The following MIB2 variants were observed in gnomAD, a reference collection of about 807,000 sequenced individuals.
MIB2 encodes E3 ubiquitin-protein ligase MIB2.
In MIB2, 78 loss-of-function variants were observed where a neutral mutation model predicts 96.6. The observed-to-expected ratio is 0.81, with a 90% confidence interval of 0.67 to 0.97. MIB2 has a LOEUF of 0.97. Among genes scored for constraint, MIB2 ranks in the 50% least tolerant of loss-of-function variants. The pLI is 0.00. For synonymous variants in MIB2, 820 were observed against 629.5 expected (o/e 1.30, Z -4.53); for missense variants, 1,543 against 1,424.0 (o/e 1.08, Z -1.35).
At position 1,623,194 on chromosome 1, in the gene MIB2, C is replaced by T. The variant is rs1402219375; in HGVS notation, c.-22-237C>T. 1.9e-5 allele frequency: 12 copies of T among 619,886 alleles called. No individual in the cohort carries two copies. The Middle Eastern group carries it at 2.2e-3, about 114-fold the overall frequency. 38.4% of individuals were successfully genotyped at this position (619,886 alleles called of 1,614,324 possible). A position where few individuals can be genotyped will look rare whatever the true frequency, so the allele number is the denominator to read the frequency against. ...GGCTCCCTGATCCCTGGGCCCAGAC[C>T]ACCCTGCAGTTCCCGCGCCAGGCTG... On this transcript the variant is annotated intron_variant, in intron 2 of 19. Transcript: ENST00000355826.
At position 1,623,788 on chromosome 1, in the gene MIB2, A is replaced by G. The variant is rs1472383577; in HGVS notation, c.262A>G (p.Asn88Asp). The G allele has an allele frequency of 1.2e-6, 2 of 1,601,956 alleles. No homozygotes were observed. The highest frequency in any genetic ancestry group is 1.1e-5 in the South Asian group (1 of 89,594). Reference protein sequence around the residue: ...DNAQIGVRHPNIICDCCKKHG... With the variant: ...DNAQIGVRHPDIICDCCKKHG... ...CCCACCCCCAGGCGTCCGGCACCCC[A>G]ACATCATCTGTGACTGCTGCAAGAA... The change falls in exon 4 of 20, where the codon AAC becomes GAC. Residue 88 changes from asparagine to aspartate, a missense_variant. Physicochemically the swap from Asn to Asp is conservative, Grantham distance 23. Transcript: ENST00000355826.
chr1:1,622,901 T>C (rs998602613), intron 2 of MIB2, among the ~76,000 whole-genome samples: 2 of 152,120 alleles, frequency 1.3e-5, no homozygotes, highest in African/African-American at 4.8e-5. Context: ...GCCTGCATCG[T>C]GTTTGCCGTT....
intron 2 of MIB2, chr1:1,623,230 C>A: frequency 1.1e-6 from 1 of 895,422 alleles, no homozygotes. Flanking sequence ...GCACGGCGCC[C>A]GCCTTTCCCA....
chr1:1,615,886 C>A, intron 1 of MIB2: 1 of 1,064,974 alleles, frequency 9.4e-7, no homozygotes. Context: ...GGCCCGGGGC[C>A]AGCGGCGCTG....
At chr1:1,614,160 G>C (rs1643405266), upstream of MIB2, 3 of 152,182 alleles carry the variant, frequency 2.0e-5, no homozygotes, top group African/African-American at 7.2e-5. Context: ...ATTTCATCAC[G>C]ACAGCTGTGA....
rs1037168472 is a variant in MIB2, at chr1:1,626,579, C to A, written c.973-71C>A. On this transcript the variant is annotated intron_variant, in intron 8 of 19. Transcript: ENST00000355826. The surrounding 1 kb of genome is among the most constrained non-coding windows in gnomAD (Gnocchi z 5.3). Reference sequence around the variant, plus strand: ...CTGTCTCGTGGAGCTCAGCAGGTTGCCCTCCTGTTGCATGAGCCTGGGCAG... The same window carrying A: ...CTGTCTCGTGGAGCTCAGCAGGTTGACCTCCTGTTGCATGAGCCTGGGCAG... The A allele has an allele frequency of 1.1e-4, 150 of 1,321,514 alleles. 1 individual carries two copies. Among genetic ancestry groups the A allele is most frequent in the Non-Finnish European group, 1.5e-4 (144 of 981,838 alleles). 81.9% of individuals were successfully genotyped at this position (1,321,514 alleles called of 1,614,324 possible). A position where few individuals can be genotyped will look rare whatever the true frequency, so the allele number is the denominator to read the frequency against.
intron 2 of MIB2, 189 bp downstream of exon 2, chr1:1,616,803 C>G: frequency 1.8e-6 from 1 of 542,084 alleles, no homozygotes; most frequent in Middle Eastern, 3.3e-4. Context: ...AGGTGCCAGA[C>G]AGGCCTCTGA....
In MIB2 at chr1:1,625,222, G is replaced by A. The variant is rs770645677; in HGVS notation, c.721+37G>A. The A allele has an allele frequency of 3.7e-6, 6 of 1,602,774 alleles. No individual in the cohort carries two copies. Among genetic ancestry groups the A allele is most frequent in the Admixed American group, 1.7e-5 (1 of 59,752 alleles). ...TCACACTGACTCCATCAGCCCTCCT[G>A]CCTTGGCTGAAGTCCCAGAGGGGAG... On this transcript the variant is annotated intron_variant, in intron 6 of 19. Transcript: ENST00000355826. The surrounding 1 kb of genome is among the most constrained non-coding windows in gnomAD (Gnocchi z 5.0).
Position 1,630,474 on chromosome 1 carries a change from A to T in MIB2, c.2812A>T (p.Ser938Cys). 1 of 1,594,310 alleles carries T rather than the reference A, an allele frequency of 6.3e-7. No individual in the cohort carries two copies. Among genetic ancestry groups the T allele is most frequent in the South Asian group, 1.1e-5 (1 of 89,484 alleles). Residue 938 changes from serine (S) to cysteine (C), a missense_variant, in exon 20 of 20, where the codon AGC (serine) becomes TGC (cysteine). Physicochemically the swap from Ser to Cys is moderately radical, Grantham distance 112 (BLOSUM62 -1). Coordinates refer to ENST00000355826, the MANE Select transcript of MIB2 (RefSeq NM_001170687.4). ...GACAPCGSAL[S>C]ACPICRQPIR... is the part of the protein sequence containing the mutation. ...ATGCGCCCCCTGCGGCTCCGCGCTCAGCGCCTGCCCCATCTGCCGCCAGCC... is the reference window on the plus strand; with the variant it reads ...ATGCGCCCCCTGCGGCTCCGCGCTCTGCGCCTGCCCCATCTGCCGCCAGCC...
In MIB2 at chr1:1,625,735, C is replaced by A. The variant is rs1644698063; in HGVS notation, c.972+82C>A. The A allele has an allele frequency of 8.3e-7, 1 of 1,203,446 alleles. No homozygotes were observed. Among genetic ancestry groups the A allele is most frequent in the African/African-American group, 1.5e-5 (1 of 66,572 alleles). 74.5% of individuals were successfully genotyped at this position (1,203,446 alleles called of 1,614,324 possible). ...ACCCCCTTGGCCTTGGGGGGTCAGG[C>A]AGGACTAGGGTGCCAGCTGCACCCA... On this transcript the variant is annotated intron_variant, in intron 8 of 19. Transcript: ENST00000355826. This position sits in a 1 kb window ranked among gnomAD's most constrained non-coding sequence, Gnocchi z 5.0.
rs1249604086 is a variant in MIB2 at position 1,623,688 on chromosome 1, A to G, written c.236A>G (p.Asn79Ser). ...QGAHDLLLYD[N>S]AQIGVRHPNI... ...GCGCACGACCTGCTGCTGTACGACA[A>G]CGCCCAGATCGGTGCGCGCCAAGGG... is the stretch of plus-strand genomic sequence containing the variant. The change falls in exon 3 of 20, where the codon AAC becomes AGC. Residue 79 changes from asparagine (N) to serine (S), a missense_variant. Transcript: ENST00000355826. 5 of 1,503,296 alleles carry G rather than the reference A, an allele frequency of 3.3e-6. No individual in the cohort carries two copies. Among genetic ancestry groups the G allele is most frequent in the Non-Finnish European group, 4.5e-6 (5 of 1,123,028 alleles). 93.1% of individuals were successfully genotyped at this position (1,503,296 alleles called of 1,614,324 possible). A position where few individuals can be genotyped will look rare whatever the true frequency, so the allele number is the denominator to read the frequency against.
chr1:1,625,666 C>T lies in MIB2; in HGVS notation c.972+13C>T. On this transcript the variant is annotated intron_variant, in intron 8 of 19. Coordinates refer to ENST00000355826, the MANE Select transcript of MIB2 (RefSeq NM_001170687.4). The surrounding 1 kb of genome is among the most constrained non-coding windows in gnomAD (Gnocchi z 5.0). ...GGCGCTCACCAAGGTGCCGGGGGGG[C>T]TGGGCTGCGCCTCATCTGCTTGCTT... The T allele has an allele frequency of 1.3e-6, 2 of 1,546,578 alleles. No individual in the cohort carries two copies. The highest frequency in any genetic ancestry group is 1.7e-6 in the Non-Finnish European group (2 of 1,143,380).
At chr1:1,618,566 T>C (rs1397760189) in intron 2 of MIB2, 1 of 152,356 alleles carries the variant, frequency 6.6e-6, no homozygotes, top group Non-Finnish European at 1.5e-5. Flanking sequence ...GCCCAGGGGA[T>C]GGGTCCTGTG....
Position 1,624,859 on chromosome 1 carries a change from A to C in MIB2, c.484A>C (p.Lys162Gln). Residue 162 changes from lysine (K) to glutamine (Q), a missense_variant, in exon 5 of 20, where the codon AAG becomes CAG. Transcript: ENST00000355826. Reference protein sequence around the residue: ...IPLRGIFQGAKVVRGPDWEWG... With the variant: ...IPLRGIFQGAQVVRGPDWEWG... Reference sequence around the variant, plus strand: ...ACTAAGGGGCATCTTCCAGGGAGCGAAGGTGGTGCGAGGCCCCGACTGGGA... The same window carrying C: ...ACTAAGGGGCATCTTCCAGGGAGCGCAGGTGGTGCGAGGCCCCGACTGGGA... The C allele has an allele frequency of 6.2e-7, 1 of 1,613,068 alleles. No homozygotes were observed. Among genetic ancestry groups the C allele is most frequent in the Non-Finnish European group, 8.5e-7 (1 of 1,179,972 alleles).
chr1:1,623,066 T>G, intron 2 of MIB2: 1 of 374,668 alleles, frequency 2.7e-6, no homozygotes. Flanking sequence ...AGCTCTTACT[T>G]TAGTGAAGTC....
chr1:1,621,032 G>A (rs981397790), intron 2 of MIB2, among the ~76,000 whole-genome samples: 4 of 152,250 alleles, frequency 2.6e-5, no homozygotes, highest in African/African-American at 7.2e-5. Flanking sequence ...GCGGGTCCTC[G>A]GGACACAGGG....
chr1:1,625,538 C>A lies in MIB2; in HGVS notation c.865-8C>A, dbSNP rs778698947. 14 of 1,569,568 alleles carry A rather than the reference C, an allele frequency of 8.9e-6. No individual in the cohort carries two copies. Among genetic ancestry groups the A allele is most frequent in the South Asian group, 1.2e-5 (1 of 85,862 alleles). On this transcript the variant is annotated splice_polypyrimidine_tract_variant and splice_region_variant and intron_variant, in intron 7 of 19. Transcript: ENST00000355826. This position sits in a 1 kb window ranked among gnomAD's most constrained non-coding sequence, Gnocchi z 5.0. ...CCGACCCAGCCACAGCTCCATGACC[C>A]GCCACAGTTTATCGGACAGACGGGC...
intron 4 of MIB2, 49 bp from the exon 5 acceptor site, chr1:1,624,746 A>G (rs1177356114): frequency 6.5e-7 from 1 of 1,537,664 alleles, no homozygotes. Flanking sequence ...CAAGATGGGA[A>G]GAGATGGCGG....
In MIB2 at chr1:1,630,452, C is replaced by T. The variant is rs570438474; in HGVS notation, c.2790C>T (p.Cys930=). Residue 930 remains cysteine, a synonymous_variant, in exon 20 of 20, where the codon TGC becomes TGT. Transcript: ENST00000355826. ...RLVFQCGHGA[C]APCGSALSAC... ...TGTTCCAGTGCGGCCACGGCGCATG[C>T]GCCCCCTGCGGCTCCGCGCTCAGCG... 5.7e-6 allele frequency: 9 copies of T among 1,591,528 alleles called. No individual in the cohort carries two copies. Among genetic ancestry groups the T allele is most frequent in the Admixed American group, 1.7e-5 (1 of 58,066 alleles).
Sources: gnomAD v4.1 joint callset for allele counts (sites outside exome capture counted in the v4.1 genomes callset) on GRCh38, gnomAD v4.1.1 for gene constraint, Gnocchi (gnomAD v3.1) non-coding constraint, MANE v1.5 for transcripts, NCBI Gene and HGNC (gene_info 2026-07-23, HGNC 2026-07-21) for gene names.